The following GREB1L variants were observed in gnomAD, a reference collection of about 807,000 sequenced individuals.
The protein encoded by GREB1L is GREB1-like protein.
In GREB1L, 17 loss-of-function variants were observed where a neutral mutation model predicts 200.8. The observed-to-expected ratio is 0.08, with a 90% CI of 0.06 to 0.13. The LOEUF (loss-of-function observed/expected upper bound fraction) is 0.13. Ranked by LOEUF, GREB1L falls within the 10% of genes least tolerant of loss-of-function variation. The pLI is 1.00. For synonymous variants in GREB1L, 789 were observed against 893.0 expected, an observed-to-expected ratio of 0.88 and a Z score of 2.08; for missense variants, 1,657 against 2,367.7, an observed-to-expected ratio of 0.70 and a Z score of 6.23.
intron 1 of GREB1L, among the ~76,000 whole-genome samples, chr18:21,364,040 T>C (rs2039619869): frequency 6.6e-6 from 1 of 152,218 alleles, no homozygotes; most frequent in African/African-American, 2.4e-5. Context: ...AACCTTAAAA[T>C]TTTTGTTTTT....
At chr18:21,283,847 T>C (rs1484616211) in intron 1 of GREB1L, among the ~76,000 whole-genome samples, 1 of 152,138 alleles carries the variant, frequency 6.6e-6, no homozygotes, top group African/African-American at 2.4e-5. Context: ...ATCAACTTGG[T>C]TCCTAAGGAA....
At chr18:21,381,593 G>C (rs1207662002) in intron 2 of GREB1L, among the ~76,000 whole-genome samples, 1 of 152,162 alleles carries the variant, frequency 6.6e-6, no homozygotes, top group Non-Finnish European at 1.5e-5. Flanking sequence ...AAGTTAGTGA[G>C]TAGCTTATGT....
chr18:21,274,671 A>T (rs1178637053), intron 1 of GREB1L, among the ~76,000 whole-genome samples: 1 of 152,108 alleles, frequency 6.6e-6, no homozygotes, highest in African/African-American at 2.4e-5. Flanking sequence ...AGGTGGGCAG[A>T]TCACTTGAGC....
chr18:21,439,175 A>G (rs2033749313), intron 7 of GREB1L, among the ~76,000 whole-genome samples: 2 of 152,002 alleles, frequency 1.3e-5, no homozygotes, highest in Non-Finnish European at 2.9e-5. Context: ...TTATTATCCT[A>G]TTCTCTCTAC....
At chr18:21,390,294 TAA>T (rs113915650) in intron 4 of GREB1L, among the ~76,000 whole-genome samples, 19 of 148,824 alleles carry the variant, frequency 1.3e-4, no homozygotes, top group African/African-American at 3.4e-4. Flanking sequence ...TTCTACTTAT[TAA>T]AAAAAAAAAG....
At chr18:21,278,543 G>A (rs2038215087) in intron 1 of GREB1L, among the ~76,000 whole-genome samples, 1 of 151,918 alleles carries the variant, frequency 6.6e-6, no homozygotes, top group Non-Finnish European at 1.5e-5. Context: ...GTACTTGGTG[G>A]TATTGAGAGC....
At chr18:21,306,841 C>T (rs756015237) in intron 1 of GREB1L, among the ~76,000 whole-genome samples, 2 of 152,096 alleles carry the variant, frequency 1.3e-5, no homozygotes, top group Non-Finnish European at 2.9e-5. Flanking sequence ...GAGAAGAAAA[C>T]AGAAAGATCT....
At chr18:21,348,924 G>T (rs772728207) in intron 1 of GREB1L, among the ~76,000 whole-genome samples, 46 of 152,204 alleles carry the variant, frequency 3.0e-4, no homozygotes, top group Non-Finnish European at 5.6e-4. Context: ...CAGCCTGGGT[G>T]ACAGAGTGAG....
At chr18:21,302,984 G>A (rs1199820243) in intron 1 of GREB1L, among the ~76,000 whole-genome samples, 2 of 152,200 alleles carry the variant, frequency 1.3e-5, no homozygotes, top group East Asian at 1.9e-4. Context: ...GCCCCTGAAA[G>A]TGCTGGGATT....
intron 5 of GREB1L, among the ~76,000 whole-genome samples, chr18:21,398,487 A>C (rs1464704125): frequency 3.3e-5 from 5 of 152,198 alleles, no homozygotes; most frequent in African/African-American, 1.2e-4. Context: ...GTAAGTGGAC[A>C]TAATTTTTTA....
At chr18:21,522,308 TA>T (rs1378866911) in intron 32 of GREB1L, among the ~76,000 whole-genome samples, 1 of 151,494 alleles carries the variant, frequency 6.6e-6, no homozygotes, top group Non-Finnish European at 1.5e-5. Context: ...CCATCTCTAC[TA>T]AAATACAAAA....
chr18:21,341,078 C>G (rs1055889955), intron 1 of GREB1L, among the ~76,000 whole-genome samples: 2 of 152,166 alleles, frequency 1.3e-5, no homozygotes, highest in Non-Finnish European at 2.9e-5. Flanking sequence ...GAAGCATGAT[C>G]ACCACTGCCT....
intron 27 of GREB1L, 77 bp downstream of exon 27, chr18:21,508,668 G>T: frequency 1.9e-6 from 2 of 1,037,686 alleles, no homozygotes. Flanking sequence ...GAAACTTTCA[G>T]ATTCCCCTGC....
intron 1 of GREB1L, among the ~76,000 whole-genome samples, chr18:21,342,279 G>A (rs991372054): frequency 1.6e-4 from 24 of 152,092 alleles, no homozygotes; most frequent in Non-Finnish European, 2.9e-4. Context: ...AGGCCACTGT[G>A]TCTGGTTGGT....
chr18:21,328,836 A>T (rs756907597), intron 1 of GREB1L, among the ~76,000 whole-genome samples: 9 of 152,164 alleles, frequency 5.9e-5, no homozygotes, highest in Non-Finnish European at 1.3e-4. Context: ...GCCAAATGTC[A>T]GGATTTGTAT....
intron 7 of GREB1L, among the ~76,000 whole-genome samples, chr18:21,410,976 CAAAAA>C (rs376327710): frequency 6.7e-6 from 1 of 148,258 alleles, no homozygotes; most frequent in Admixed American, 6.7e-5. Context: ...AAAACAAAAA[CAAAAA>C]AAAAGAATAC....
intron 1 of GREB1L, among the ~76,000 whole-genome samples, chr18:21,263,542 C>T (rs887810055): frequency 1.3e-5 from 2 of 152,108 alleles, no homozygotes; most frequent in African/African-American, 4.8e-5. Context: ...TAAGTCTCAA[C>T]TTGAATTTTC....
intron 1 of GREB1L, among the ~76,000 whole-genome samples, chr18:21,244,373 A>G (rs2037561317): frequency 6.6e-6 from 1 of 152,206 alleles, no homozygotes; most frequent in African/African-American, 2.4e-5. Flanking sequence ...CATAATATAA[A>G]GATGTTAGTG....
intron 1 of GREB1L, among the ~76,000 whole-genome samples, chr18:21,309,830 G>A (rs2038762794): frequency 6.6e-6 from 1 of 152,092 alleles, no homozygotes; most frequent in Non-Finnish European, 1.5e-5. Context: ...CTGAGGGAGT[G>A]CTACTGGAAT....
Sources: gnomAD v4.1 joint callset for allele counts (sites outside exome capture counted in the v4.1 genomes callset) on GRCh38, gnomAD v4.1.1 for gene constraint, MANE v1.5 for transcripts, NCBI Gene and HGNC (gene_info 2026-07-23, HGNC 2026-07-21) for gene names.